The following KCNH8 variants were observed in gnomAD, a reference collection of about 807,000 sequenced individuals.
The protein encoded by KCNH8 is voltage-gated delayed rectifier potassium channel KCNH8.
KCNH8 carries 70 observed loss-of-function variants against 103.6 expected under a neutral mutation model. The ratio of observed to expected loss-of-function variants is 0.68; its 90% CI spans 0.56 to 0.82. The LOEUF is 0.82. Among genes scored for constraint, KCNH8 ranks in the 40% least tolerant of loss-of-function variants. The probability of loss-of-function intolerance (pLI) is 0.00; values close to 1 mark genes in which losing one functional copy is unlikely to be tolerated. For missense variants in KCNH8, 1,217 were observed against 1,329.9 expected (o/e 0.92, Z 1.32); for synonymous variants, 498 against 489.4 (o/e 1.02, Z -0.23).
chr3:19,513,976 A>G (rs535352148), intron 13 of KCNH8, among the ~76,000 whole-genome samples: 1 of 152,020 alleles, frequency 6.6e-6, no homozygotes, highest in Non-Finnish European at 1.5e-5. Context: ...CAGCTGAATA[A>G]TAATAAATAA....
At chr3:19,182,082 T>C (rs1283241927) in intron 1 of KCNH8, among the ~76,000 whole-genome samples, 1 of 152,104 alleles carries the variant, frequency 6.6e-6, no homozygotes, top group African/African-American at 2.4e-5. Flanking sequence ...TTCTTTTATA[T>C]ACTATACTAA....
intron 1 of KCNH8, among the ~76,000 whole-genome samples, chr3:19,150,848 C>A (rs538266116): frequency 6.6e-6 from 1 of 152,110 alleles, no homozygotes; most frequent in African/African-American, 2.4e-5. Flanking sequence ...TGGAGGGAAC[C>A]AGTTTGCATG....
At chr3:19,521,400 A>G (rs1162509282) in intron 15 of KCNH8, among the ~76,000 whole-genome samples, 1 of 151,978 alleles carries the variant, frequency 6.6e-6, no homozygotes, top group African/African-American at 2.4e-5. Flanking sequence ...GTAATCAAGG[A>G]TTGTTGTGAG....
chr3:19,218,392 T>G (rs2063838167), intron 1 of KCNH8, among the ~76,000 whole-genome samples: 1 of 152,214 alleles, frequency 6.6e-6, no homozygotes, highest in Admixed American at 6.5e-5. Context: ...ATGAGCTTTC[T>G]TTGCTATACA....
intron 1 of KCNH8, among the ~76,000 whole-genome samples, chr3:19,242,025 A>G (rs888399385): frequency 3.3e-5 from 5 of 152,212 alleles, no homozygotes; most frequent in Admixed American, 1.3e-4. Context: ...AGAAGAAACT[A>G]CACGGGCAAA....
rs576925691 is a variant in KCNH8, at chr3:19,347,868, T to C, written c.714T>C (p.Thr238=). Residue 238 remains threonine, a synonymous_variant, in exon 5 of 16, where the codon ACT becomes ACC. Coordinates refer to ENST00000328405, the MANE Select transcript of KCNH8 (RefSeq NM_144633.3). Reference sequence around the variant, plus strand: ...TGGCAACGTTTTATGTTGCTGTGACTGTACCTTACAACGTTTGCTTTATTG... The same window carrying C: ...TGGCAACGTTTTATGTTGCTGTGACCGTACCTTACAACGTTTGCTTTATTG... ...ILLATFYVAV[T]VPYNVCFIGN... is the part of the protein sequence containing the mutation. 2.5e-6 allele frequency: 4 copies of C among 1,613,480 alleles called. No individual in the cohort carries two copies. The highest frequency in any genetic ancestry group is 3.4e-6 in the Non-Finnish European group (4 of 1,179,530).
chr3:19,452,221 TA>T (rs2067459420), intron 10 of KCNH8, among the ~76,000 whole-genome samples: 1 of 152,024 alleles, frequency 6.6e-6, no homozygotes, highest in African/African-American at 2.4e-5. Context: ...CTGTCTCTAC[TA>T]AAAATACAAA....
intron 7 of KCNH8, among the ~76,000 whole-genome samples, chr3:19,411,856 A>G (rs1190735601): frequency 6.6e-6 from 1 of 151,950 alleles, no homozygotes; most frequent in Non-Finnish European, 1.5e-5. Context: ...ATTACAAAAC[A>G]CTATGAAATG....
chr3:19,406,423 C>T (rs1030326736), intron 7 of KCNH8, among the ~76,000 whole-genome samples: 24 of 152,008 alleles, frequency 1.6e-4, no homozygotes, highest in Non-Finnish European at 2.5e-4. Flanking sequence ...TGAGAGAAAC[C>T]AACCACTCTC....
In KCNH8 at chr3:19,533,644, G is replaced by A. The variant is rs1323829736; in HGVS notation, c.2869G>A (p.Asp957Asn). Residue 957 changes from aspartate (D) to asparagine (N), a missense_variant, in exon 16 of 16, where the codon GAC becomes AAC. Physicochemically the swap from Asp to Asn is conservative, Grantham distance 23 (BLOSUM62 1). Transcript: ENST00000328405. Reference sequence around the variant, plus strand: ...ACTTTGTAGCAGTAATATCACCTCAGACATTTGGAGTGTGGATCCCTCCTC... The same window carrying A: ...ACTTTGTAGCAGTAATATCACCTCAAACATTTGGAGTGTGGATCCCTCCTC... ...AQLCSSNITSDIWSVDPSSVG... is the reference protein window; with the variant it reads ...AQLCSSNITSNIWSVDPSSVG... The A allele has an allele frequency of 2.5e-6, 4 of 1,614,142 alleles. No homozygotes were observed. The highest frequency in any genetic ancestry group is 1.1e-5 in the South Asian group (1 of 91,076).
intron 5 of KCNH8, among the ~76,000 whole-genome samples, chr3:19,373,093 C>T (rs1384169140): frequency 1.3e-5 from 2 of 151,754 alleles, no homozygotes; most frequent in African/African-American, 4.9e-5. Flanking sequence ...GTGTCTGTGC[C>T]CGGCTTTGGT....
rs200231499 is a variant in KCNH8 at position 19,533,831 on chromosome 3, C to T, written c.3056C>T (p.Thr1019Met). 2.9e-5 allele frequency: 47 copies of T among 1,614,196 alleles called. No homozygotes were observed. The Admixed American group carries it at 6.7e-4, about 23-fold the overall frequency. The stretch of plus-strand genomic sequence containing the variant: ...TGCATCTCTCCACATTCAGATTCTA[C>T]GTTGACGCCTCTGCAGTCCATTTCA... ...LRCISPHSDS[T>M]LTPLQSISAT... The change falls in exon 16 of 16, where the codon ACG becomes ATG. Residue 1019 changes from threonine to methionine, a missense_variant. Thr to Met is a moderately conservative substitution (Grantham distance 81). Transcript: ENST00000328405.
At chr3:19,449,225 C>T (rs146426047) in intron 8 of KCNH8, among the ~76,000 whole-genome samples, 1 of 151,406 alleles carries the variant, frequency 6.6e-6, no homozygotes, top group African/African-American at 2.4e-5. Flanking sequence ...GCTCAAAGGG[C>T]AGGCTTAGCA....
At chr3:19,523,538 A>G (rs2069009096) in intron 15 of KCNH8, among the ~76,000 whole-genome samples, 1 of 151,952 alleles carries the variant, frequency 6.6e-6, no homozygotes, top group Non-Finnish European at 1.5e-5. Context: ...AATGCCTAAC[A>G]CAGGTCAGCA....
chr3:19,377,312 A>C (rs1001277604), intron 5 of KCNH8, among the ~76,000 whole-genome samples: 23 of 152,282 alleles, frequency 1.5e-4, no homozygotes, highest in African/African-American at 5.5e-4. Context: ...ACACTTTTTT[A>C]AGGTTCCTGA....
chr3:19,183,491 T>C (rs1447642367), intron 1 of KCNH8, among the ~76,000 whole-genome samples: 1 of 152,080 alleles, frequency 6.6e-6, no homozygotes, highest in Non-Finnish European at 1.5e-5. Context: ...AAAACTGATA[T>C]AGGGGAGAGT....
At chr3:19,173,964 C>G (rs890099081) in intron 1 of KCNH8, among the ~76,000 whole-genome samples, 1 of 150,458 alleles carries the variant, frequency 6.6e-6, no homozygotes, top group East Asian at 1.9e-4. Context: ...GTTGTAGTAT[C>G]TAGTATCTGT....
rs762897371 is a variant in KCNH8 at position 19,533,431 on chromosome 3, A to G, written c.2656A>G (p.Lys886Glu). ...TLTQEVSQLG[K>E]DMRNVIQLLE... ...GACTCAGGAAGTTTCTCAGTTGGGT[A>G]AAGACATGAGAAATGTGATCCAGCT... Residue 886 changes from lysine to glutamate, a missense_variant, in exon 16 of 16, where the codon AAA (lysine) becomes GAA (glutamate). Physicochemically the swap from Lys to Glu is moderately conservative, Grantham distance 56. Coordinates refer to ENST00000328405, the MANE Select transcript of KCNH8 (RefSeq NM_144633.3). 5.0e-6 allele frequency: 8 copies of G among 1,614,110 alleles called. No homozygotes were observed. The East Asian group carries it at 1.8e-4, about 36-fold the overall frequency.
intron 5 of KCNH8, among the ~76,000 whole-genome samples, chr3:19,348,400 A>T (rs1444845918): frequency 1.3e-5 from 2 of 152,082 alleles, no homozygotes; most frequent in Non-Finnish European, 2.9e-5. Flanking sequence ...TCAATAAATG[A>T]CCTGGTTGCA....
Sources: allele counts gnomAD v4.1 joint callset (sites outside exome capture counted in the v4.1 genomes callset), GRCh38; gene constraint gnomAD v4.1.1; transcripts MANE v1.5; gene names NCBI Gene and HGNC (gene_info 2026-07-23, HGNC 2026-07-21).